The following BMPR1B variants were observed in gnomAD, a reference collection of about 807,000 sequenced individuals.
The protein encoded by BMPR1B is bone morphogenetic protein receptor type 1B.
A neutral mutation model predicts 59.1 loss-of-function variants in BMPR1B; 12 were observed. That is an observed-to-expected ratio of 0.20 (90% CI 0.13 to 0.33). The LOEUF (loss-of-function observed/expected upper bound fraction) is 0.33, where lower values mean the gene tolerates loss of function less well. BMPR1B is among the 10% of genes least tolerant of loss of function. BMPR1B has a pLI of 1.00. For missense variants in BMPR1B, 550 were observed against 610.9 expected, an observed-to-expected ratio of 0.90 and a Z score of 1.05; for synonymous variants, 237 against 207.3, an observed-to-expected ratio of 1.14 and a Z score of -1.23.
At chr4:94,866,670 C>T (rs143064867) in intron 1 of BMPR1B, among the ~76,000 whole-genome samples, 357 of 152,156 alleles carry the variant, frequency 2.3e-3, no homozygotes, top group Non-Finnish European at 3.6e-3. Context: ...CTGCAACCTC[C>T]GACTCCCTGG....
intron 3 of BMPR1B, among the ~76,000 whole-genome samples, chr4:95,053,240 G>A (rs1033029211): frequency 1.3e-5 from 2 of 149,228 alleles, no homozygotes; most frequent in Admixed American, 1.3e-4. Context: ...AGGTCATATA[G>A]GTGTAGGGAA....
At chr4:95,086,848 A>C (rs534212158) in intron 3 of BMPR1B, among the ~76,000 whole-genome samples, 4 of 152,268 alleles carry the variant, frequency 2.6e-5, no homozygotes, top group African/African-American at 7.2e-5. Context: ...CTAACCTCAA[A>C]ATAGTTTTGA....
At chr4:95,134,964 G>GAAT in intron 10 of BMPR1B, among the ~76,000 whole-genome samples, 1 of 152,232 alleles carries the variant, frequency 6.6e-6, no homozygotes, top group East Asian at 1.9e-4. Context: ...GGTAATGCCT[G>GAAT]GGTTTTCTTC....
intron 3 of BMPR1B, among the ~76,000 whole-genome samples, chr4:95,093,601 GT>G (rs1316796828): frequency 6.6e-6 from 1 of 151,726 alleles, no homozygotes; most frequent in South Asian, 2.1e-4. Flanking sequence ...CTCTTCTTAT[GT>G]TTTTTTATGT....
At chr4:94,893,518 C>T (rs1442491711) in intron 2 of BMPR1B, among the ~76,000 whole-genome samples, 1 of 151,900 alleles carries the variant, frequency 6.6e-6, no homozygotes. Context: ...AAAAATTTCA[C>T]AAATTTGGGA....
intron 2 of BMPR1B, among the ~76,000 whole-genome samples, chr4:94,897,926 T>C (rs1727646731): frequency 6.6e-6 from 1 of 150,556 alleles, no homozygotes. Context: ...TGATAATTAC[T>C]GACAAATTCT....
intron 2 of BMPR1B, among the ~76,000 whole-genome samples, chr4:94,972,142 A>G (rs904316150): frequency 1.3e-5 from 2 of 151,716 alleles, no homozygotes; most frequent in African/African-American, 4.8e-5. Context: ...ACAATAAATG[A>G]TGCGGTAAAG....
At chr4:94,995,141 T>C (rs1343933602) in intron 2 of BMPR1B, among the ~76,000 whole-genome samples, 2 of 152,186 alleles carry the variant, frequency 1.3e-5, no homozygotes, top group East Asian at 1.9e-4. Flanking sequence ...GGAGATACTA[T>C]GTATCTTGTT....
At chr4:95,033,562 G>C (rs1725032641) in intron 3 of BMPR1B, among the ~76,000 whole-genome samples, 1 of 151,948 alleles carries the variant, frequency 6.6e-6, no homozygotes, top group Admixed American at 6.6e-5. Context: ...TTTCCCTTTT[G>C]AATGGTCTTG....
chr4:95,052,620 A>G (rs1282765388), intron 3 of BMPR1B, among the ~76,000 whole-genome samples: 1 of 152,152 alleles, frequency 6.6e-6, no homozygotes, highest in Non-Finnish European at 1.5e-5. Flanking sequence ...TGTACTGTTT[A>G]TCAGAAGAGT....
At position 95,154,613 on chromosome 4, in the gene BMPR1B, A is replaced by G. The variant is rs1243365506; in HGVS notation, c.1449A>G (p.Thr483=). The change falls in exon 13 of 13, where the codon ACA becomes ACG. Residue 483 remains threonine, a synonymous_variant. Transcript: ENST00000515059. ...CWAHNPASRL[T]ALRVKKTLAK... ...CTCACAATCCTGCATCAAGGCTGAC[A>G]GCCCTGCGGGTTAAGAAAACACTTG... is the stretch of plus-strand genomic sequence containing the variant. 6.2e-7 allele frequency: 1 copy of G among 1,614,028 alleles called. No individual in the cohort carries two copies. The highest frequency in any genetic ancestry group is 1.3e-5 in the African/African-American group (1 of 74,932).
Position 95,104,545 on chromosome 4 carries a change from G to C in BMPR1B, c.121G>C (p.Asp41His). 6.2e-7 allele frequency: 1 copy of C among 1,613,358 alleles called. No individual in the cohort carries two copies. The highest frequency in any genetic ancestry group is 8.5e-7 in the Non-Finnish European group (1 of 1,179,538). Residue 41 changes from aspartate to histidine, a missense_variant, in exon 4 of 13, where the codon GAC becomes CAC. Asp to His is a moderately conservative substitution (Grantham distance 81). Coordinates refer to ENST00000515059, the MANE Select transcript of BMPR1B (RefSeq NM_001203.3). ...RCKCHHHCPE[D>H]SVNNICSTDG... The stretch of plus-strand genomic sequence containing the variant: ...TAAATGCCACCACCATTGTCCAGAA[G>C]ACTCAGTCAACAATATTTGCAGGTT...
At chr4:94,788,042 AAATC>A (rs1430338455) in intron 1 of BMPR1B, among the ~76,000 whole-genome samples, 2 of 152,158 alleles carry the variant, frequency 1.3e-5, no homozygotes, top group African/African-American at 4.8e-5. Flanking sequence ...GAGAATCTGA[AAATC>A]AAAGGGTGGA....
intron 3 of BMPR1B, among the ~76,000 whole-genome samples, chr4:95,041,957 T>C (rs970246592): frequency 6.6e-6 from 1 of 152,014 alleles, no homozygotes; most frequent in African/African-American, 2.4e-5. Flanking sequence ...CGGAGCTTCA[T>C]GCCATTCTAC....
At chr4:94,787,694 T>C (rs112763259) in intron 1 of BMPR1B, among the ~76,000 whole-genome samples, 5,745 of 152,334 alleles carry the variant, frequency 0.038, 179 homozygotes, top group South Asian at 0.086. Flanking sequence ...GTAAAACTTA[T>C]ATTAAATAAA....
At chr4:94,968,270 C>A (rs77097896) in intron 2 of BMPR1B, among the ~76,000 whole-genome samples, 4,493 of 152,166 alleles carry the variant, frequency 0.03, 214 homozygotes, top group African/African-American at 0.1. Context: ...CTTCCTCACT[C>A]TTTATGGCAA....
At chr4:95,004,433 T>C (rs1249082741) in intron 3 of BMPR1B, among the ~76,000 whole-genome samples, 2 of 152,196 alleles carry the variant, frequency 1.3e-5, no homozygotes, top group Non-Finnish European at 2.9e-5. Flanking sequence ...TCTTCTATTA[T>C]TTGTAATATT....
intron 2 of BMPR1B, among the ~76,000 whole-genome samples, chr4:94,917,543 C>T (rs1266621879): frequency 6.6e-6 from 1 of 152,186 alleles, no homozygotes; most frequent in African/African-American, 2.4e-5. Flanking sequence ...TCAGTGGGGT[C>T]TGTAGCCTCT....
chr4:94,918,599 C>T (rs1728573952), intron 2 of BMPR1B, among the ~76,000 whole-genome samples: 1 of 151,936 alleles, frequency 6.6e-6, no homozygotes, highest in Non-Finnish European at 1.5e-5. Context: ...TCCCTTGAGC[C>T]CAGGAGTTTG....
Sources: allele counts gnomAD v4.1 joint callset (sites outside exome capture counted in the v4.1 genomes callset), GRCh38; gene constraint gnomAD v4.1.1; transcripts MANE v1.5; gene names NCBI Gene and HGNC (gene_info 2026-07-23, HGNC 2026-07-21).